RNF24: variants seen among roughly 807,000 people sequenced by gnomAD.
RNF24 encodes the protein ring finger protein 24.
Under a neutral mutation model 20.0 loss-of-function variants are expected in RNF24, and 14 were observed. The observed-to-expected ratio is 0.70, with a 90% CI of 0.46 to 1.10. RNF24 has a LOEUF of 1.10. RNF24 is among the 50% of genes least tolerant of loss of function. The pLI is 0.00. For missense variants in RNF24, 124 were observed against 177.6 expected (o/e 0.70, Z 1.71); for synonymous variants, 45 against 61.1 (o/e 0.74, Z 1.23).
intron 1 of RNF24, among the ~76,000 whole-genome samples, chr20:4,012,521 G>A (rs1359334304): frequency 6.6e-6 from 1 of 152,008 alleles, no homozygotes; most frequent in Non-Finnish European, 1.5e-5. Flanking sequence ...ATTACTGGGA[G>A]GATAATAGAT....
In RNF24 at chr20:3,927,865, G is replaced by A. The variant is rs1197866814; in HGVS notation, c.*6198C>T. ...TGCTGACACTGGTGGGGCCCTTACA[G>A]TCACAGAAGTAAGGACTGGATGGTA... On this transcript the variant is annotated 3_prime_UTR_variant, in exon 6 of 6. Coordinates refer to ENST00000358395, the MANE Select transcript of RNF24 (RefSeq NM_001134337.3). 2 of 152,264 alleles carry A rather than the reference G, an allele frequency of 1.3e-5. No individual in the cohort carries two copies. The highest frequency in any genetic ancestry group is 2.4e-5 in the African/African-American group (1 of 41,460). The allele number at this position is 152,264 out of a possible 1,614,324, so 9.4% of individuals were successfully genotyped here.
chr20:3,992,318 T>C (rs1428174535), intron 1 of RNF24, among the ~76,000 whole-genome samples: 1 of 152,160 alleles, frequency 6.6e-6, no homozygotes, highest in East Asian at 1.9e-4. Flanking sequence ...AGCAGTTATA[T>C]CAACATACAG....
In RNF24 at chr20:3,934,241, A is replaced by G. The variant is rs767321807; in HGVS notation, c.309-40T>C. 6.3e-7 allele frequency: 1 copy of G among 1,587,800 alleles called. No homozygotes were observed. Among genetic ancestry groups the G allele is most frequent in the Non-Finnish European group, 8.6e-7 (1 of 1,167,608 alleles). On this transcript the variant is annotated intron_variant, in intron 5 of 5. Coordinates refer to ENST00000358395, the MANE Select transcript of RNF24 (RefSeq NM_001134337.3). This position sits in a 1 kb window ranked among gnomAD's most constrained non-coding sequence, Gnocchi z 4.0. ...ACCACAGGGGGAAGATGTCAGTCCT[A>G]TGCTCATGGCACGGCTGTTCTGCTG...
Position 3,963,880 on chromosome 20 carries a change from C to T in RNF24, c.138G>A (p.Leu46=). The T allele has an allele frequency of 6.4e-7, 1 of 1,564,294 alleles. No homozygotes were observed. Among genetic ancestry groups the T allele is most frequent in the Non-Finnish European group, 8.7e-7 (1 of 1,153,162 alleles). ...ATAGAATGAAAATTGGTTACCTAATCAAGTAGCAACAGAAGAGTAAACTAA... is the reference window on the plus strand; with the variant it reads ...ATAGAATGAAAATTGGTTACCTAATTAAGTAGCAACAGAAGAGTAAACTAA... ...FILSLLFCCY[L]IRLRHQAHKE... The change falls in exon 2 of 6, where the codon TTG becomes TTA. Residue 46 remains leucine, a synonymous_variant. Coordinates refer to ENST00000358395, the MANE Select transcript of RNF24 (RefSeq NM_001134337.3).
At chr20:3,983,858 T>C (rs955133040) in intron 1 of RNF24, among the ~76,000 whole-genome samples, 8 of 145,468 alleles carry the variant, frequency 5.5e-5, no homozygotes, top group Non-Finnish European at 1.0e-4. Flanking sequence ...GGAGAATCAC[T>C]TGAACCCAGG....
At chr20:3,944,316 A>G (rs2090992566) in intron 4 of RNF24, among the ~76,000 whole-genome samples, 1 of 152,192 alleles carries the variant, frequency 6.6e-6, no homozygotes, top group South Asian at 2.1e-4. Context: ...TTGATGAAAA[A>G]TATGCAGAAA....
At chr20:4,002,507 G>T (rs1981497977) in intron 1 of RNF24, among the ~76,000 whole-genome samples, 1 of 152,068 alleles carries the variant, frequency 6.6e-6, no homozygotes, top group South Asian at 2.1e-4. Context: ...CCACTGATAG[G>T]CACAGGGCCA....
chr20:3,991,068 T>A (rs912962216), intron 1 of RNF24, among the ~76,000 whole-genome samples: 4 of 152,022 alleles, frequency 2.6e-5, no homozygotes, highest in African/African-American at 9.7e-5. Flanking sequence ...AAAACTGGTA[T>A]CAGTGATTGA....
At chr20:3,995,896 T>G (rs1164868450) in intron 1 of RNF24, among the ~76,000 whole-genome samples, 1 of 152,156 alleles carries the variant, frequency 6.6e-6, no homozygotes, top group African/African-American at 2.4e-5. Context: ...AAATGAGTCT[T>G]AAAGAATCAA....
chr20:4,002,345 C>T (rs533250465), intron 1 of RNF24, among the ~76,000 whole-genome samples: 2 of 152,254 alleles, frequency 1.3e-5, no homozygotes, highest in South Asian at 4.1e-4. Context: ...AAGATGGTGC[C>T]ACTGCACTCC....
chr20:3,940,496 G>A (rs2146947361), intron 4 of RNF24, among the ~76,000 whole-genome samples: 1 of 150,956 alleles, frequency 6.6e-6, no homozygotes, highest in South Asian at 2.1e-4. Flanking sequence ...CCAGGAGAGA[G>A]AAAGAGTGAA....
chr20:3,964,397 ACCC>A (rs1405906799), intron 1 of RNF24, among the ~76,000 whole-genome samples: 1 of 152,216 alleles, frequency 6.6e-6, no homozygotes, highest in East Asian at 1.9e-4. Flanking sequence ...TAATAACTCA[ACCC>A]TTGAAGTAAC....
chr20:3,945,147 C>T (rs1489807658), intron 4 of RNF24, 30 bp downstream of exon 4: 1 of 1,594,140 alleles, frequency 6.3e-7, no homozygotes. Flanking sequence ...TAGAAAATGG[C>T]TCAAGAGGAT....
chr20:3,973,500 CAAAAAAAAAAAAAAAAA>C (rs56824542), intron 1 of RNF24, among the ~76,000 whole-genome samples: 1 of 101,120 alleles, frequency 9.9e-6, no homozygotes, highest in Non-Finnish European at 1.9e-5. Flanking sequence ...GGAAGAATGA[CAAAAAAAAAAAAAAAAA>C]AAAAAAAAGA....
rs66825220 is a variant in RNF24, at chr20:3,953,759, G to GTTTT, written c.144-5484_144-5481dup. Among the ~76,000 whole-genome samples the GTTTT allele has an allele frequency of 3.8e-3, 520 of 138,638 alleles. 4 individuals are homozygous for GTTTT. Among genetic ancestry groups the GTTTT allele is most frequent in the African/African-American group, 0.013 (505 of 37,556 alleles). 91.0% of individuals were successfully genotyped at this position (138,638 alleles called of 152,430 possible). On this transcript the variant is annotated intron_variant, in intron 2 of 5. Coordinates refer to ENST00000358395, the MANE Select transcript of RNF24 (RefSeq NM_001134337.3). ...TTCATATTTTCAATTTCTTGTAGTAGTTTTTTTTTTTTTTTGAGACAGAGT... is the reference window on the plus strand; with the variant it reads ...TTCATATTTTCAATTTCTTGTAGTAGTTTTTTTTTTTTTTTTTTTGAGACAGAGT...
chr20:4,005,997 C>G (rs1464939229), intron 1 of RNF24, among the ~76,000 whole-genome samples: 1 of 152,134 alleles, frequency 6.6e-6, no homozygotes, highest in Admixed American at 6.6e-5. Flanking sequence ...GTATCTGATA[C>G]AAGCACCTGT....
At chr20:3,997,959 C>T (rs573016924) in intron 1 of RNF24, among the ~76,000 whole-genome samples, 11 of 152,214 alleles carry the variant, frequency 7.2e-5, no homozygotes, top group South Asian at 4.1e-4. Context: ...GGCACACAGA[C>T]GCTGGGTTTT....
chr20:3,955,151 G>T (rs2091128613), intron 2 of RNF24, among the ~76,000 whole-genome samples: 2 of 152,144 alleles, frequency 1.3e-5, no homozygotes, highest in Non-Finnish European at 2.9e-5. Context: ...GGCCATTTGT[G>T]TAACTTCTTT....
intron 1 of RNF24, among the ~76,000 whole-genome samples, chr20:3,968,088 G>A (rs1265409474): frequency 4.6e-5 from 7 of 150,704 alleles, no homozygotes; most frequent in African/African-American, 1.7e-4. Context: ...GGCAGATCAC[G>A]AGGTCAGGAG....
Sources: gnomAD v4.1 joint callset for allele counts (sites outside exome capture counted in the v4.1 genomes callset) on GRCh38, gnomAD v4.1.1 for gene constraint, Gnocchi (gnomAD v3.1) non-coding constraint, MANE v1.5 for transcripts, NCBI Gene and HGNC (gene_info 2026-07-23, HGNC 2026-07-21) for gene names.